PPP6R2: variants seen among roughly 807,000 people sequenced by gnomAD.
The protein encoded by PPP6R2 is serine/threonine-protein phosphatase 6 regulatory subunit 2.
In PPP6R2, 62 loss-of-function variants were observed where a neutral mutation model predicts 100.2. The ratio of observed to expected loss-of-function variants is 0.62; its 90% CI spans 0.50 to 0.76. The LOEUF is 0.76. Ranked by LOEUF, PPP6R2 falls within the 30% of genes least tolerant of loss-of-function variation. The pLI, the probability that PPP6R2 is intolerant of heterozygous loss-of-function variation, is 0.00. For missense variants in PPP6R2, 1,142 were observed against 1,276.3 expected (o/e 0.89, Z 1.60); for synonymous variants, 525 against 514.7 (o/e 1.02, Z -0.27).
intron 2 of PPP6R2, among the ~76,000 whole-genome samples, chr22:50,379,174 A>G (rs1030007360): frequency 2.0e-5 from 3 of 152,158 alleles, no homozygotes; most frequent in Non-Finnish European, 4.4e-5. Flanking sequence ...GAAACAGGCT[A>G]AGACACAGTC....
At chr22:50,425,217 T>G (rs1390792950) in intron 10 of PPP6R2, among the ~76,000 whole-genome samples, 1 of 152,244 alleles carries the variant, frequency 6.6e-6, no homozygotes, top group East Asian at 1.9e-4. Flanking sequence ...AATTTGACTA[T>G]TCTAGGTACA....
At chr22:50,440,688 C>T (rs138127135) in intron 21 of PPP6R2, 134 bp from the exon 22 acceptor site, 22 of 1,025,124 alleles carry the variant, frequency 2.1e-5, no homozygotes, top group Non-Finnish European at 2.7e-5. Flanking sequence ...TCATGCGGCT[C>T]CCACACAGGC....
At chr22:50,419,496 A>G in intron 8 of PPP6R2, 34 bp downstream of exon 8, 1 of 1,475,714 alleles carries the variant, frequency 6.8e-7, no homozygotes, top group Non-Finnish European at 9.5e-7. Context: ...TGTAGAGCTG[A>G]ACTTGACGCC....
At chr22:50,419,949 G>A (rs948954459) in intron 8 of PPP6R2, among the ~76,000 whole-genome samples, 1 of 152,202 alleles carries the variant, frequency 6.6e-6, no homozygotes, top group Admixed American at 6.5e-5. Context: ...GCTGAGCGTC[G>A]TGCTGAGCAC....
chr22:50,374,336 AAAAAAAGAAACCCACC>A (rs1377944583), intron 2 of PPP6R2, among the ~76,000 whole-genome samples: 1 of 152,092 alleles, frequency 6.6e-6, no homozygotes, highest in African/African-American at 2.4e-5. Flanking sequence ...CCCTGTCTCA[AAAAAAAGAAACCCACC>A]AAAATTCAAC....
intron 1 of PPP6R2, among the ~76,000 whole-genome samples, chr22:50,356,817 C>T (rs1202001845): frequency 1.3e-5 from 2 of 151,856 alleles, no homozygotes; most frequent in African/African-American, 4.8e-5. Flanking sequence ...CGCCATAATC[C>T]CAGCTACTTG....
chr22:50,372,695 T>C (rs1275446028), intron 2 of PPP6R2, among the ~76,000 whole-genome samples: 1 of 151,960 alleles, frequency 6.6e-6, no homozygotes, highest in African/African-American at 2.4e-5. Context: ...GTTTAATTCT[T>C]CTTTTTTTTT....
intron 2 of PPP6R2, chr22:50,392,002 T>C (rs2055688184): frequency 6.6e-6 from 1 of 151,582 alleles, no homozygotes; most frequent in Non-Finnish European, 1.5e-5. Context: ...TTCCCTGGAT[T>C]GTGTGTCATC....
intron 8 of PPP6R2, among the ~76,000 whole-genome samples, chr22:50,421,625 C>G (rs1256687167): frequency 6.6e-6 from 1 of 151,926 alleles, no homozygotes. Flanking sequence ...GAAAACACCA[C>G]AGGGGGTAGG....
chr22:50,384,995 G>A lies in PPP6R2; in HGVS notation c.-16-8898G>A, dbSNP rs983319177. On this transcript the variant is annotated intron_variant, in intron 2 of 23. Transcript: ENST00000612753. The stretch of plus-strand genomic sequence containing the variant: ...ACTCCTGGCCTCAAGTGAGCCTCCT[G>A]CCTTTAGCCTTCCATAGTTCTGGGA... 5.9e-5 allele frequency among the ~76,000 whole-genome samples: 9 copies of A among 152,054 alleles called. 1 individual carries two copies. The highest frequency in any genetic ancestry group is 2.2e-4 in the African/African-American group (9 of 41,408).
intron 5 of PPP6R2, 99 bp downstream of exon 5, chr22:50,414,788 C>A: frequency 1.5e-6 from 2 of 1,344,414 alleles, no homozygotes; most frequent in Non-Finnish European, 2.0e-6. Flanking sequence ...GCCCGGCCCC[C>A]ATCTCTCCAC....
At chr22:50,414,286 AG>A (rs2060176426) in intron 4 of PPP6R2, among the ~76,000 whole-genome samples, 1 of 129,926 alleles carries the variant, frequency 7.7e-6, no homozygotes, top group African/African-American at 2.8e-5. Context: ...CACCTGGGAC[AG>A]CTGTGTCCTG....
intron 7 of PPP6R2, 136 bp from the exon 8 acceptor site, chr22:50,419,213 A>G (rs2060969889): frequency 6.2e-6 from 5 of 805,402 alleles, no homozygotes; most frequent in Admixed American, 2.4e-5. Flanking sequence ...GTGTCCTGAG[A>G]ACCCTGGCGC....
intron 1 of PPP6R2, among the ~76,000 whole-genome samples, chr22:50,351,782 C>T (rs1450764212): frequency 3.3e-5 from 5 of 151,700 alleles, no homozygotes; most frequent in East Asian, 1.9e-4. Context: ...TACAGGTAGC[C>T]GCCGCCATAC....
chr22:50,346,524 G>T, intron 1 of PPP6R2, among the ~76,000 whole-genome samples: 3 of 64,512 alleles, frequency 4.7e-5, no homozygotes, highest in Admixed American at 1.9e-4. Flanking sequence ...CCCAGTCAGT[G>T]CCCTCCTTCT....
intron 1 of PPP6R2, among the ~76,000 whole-genome samples, chr22:50,370,795 C>T (rs535059474): frequency 6.6e-6 from 1 of 150,664 alleles, no homozygotes; most frequent in African/African-American, 2.4e-5. Flanking sequence ...CATTGTGCCT[C>T]GCTAGTTTTT....
intron 1 of PPP6R2, among the ~76,000 whole-genome samples, chr22:50,370,041 A>G (rs60708277): frequency 0.24 from 35,571 of 151,074 alleles, 5,959 homozygotes; most frequent in African/African-American, 0.47. Flanking sequence ...GAGCCACCAC[A>G]TCCCACCTTT....
At chr22:50,367,044 G>A (rs140192825) in intron 1 of PPP6R2, among the ~76,000 whole-genome samples, 1 of 151,908 alleles carries the variant, frequency 6.6e-6, no homozygotes, top group Non-Finnish European at 1.5e-5. Context: ...GTCTTGGCCA[G>A]AAACAAAAGC....
intron 14 of PPP6R2, 150 bp downstream of exon 14, chr22:50,436,602 T>C: frequency 1.3e-6 from 1 of 777,618 alleles, no homozygotes; most frequent in Non-Finnish European, 2.1e-6. Context: ...CCCTGCATAG[T>C]GTGTCCTCCG....
Sources: gnomAD v4.1 joint callset for allele counts (sites outside exome capture counted in the v4.1 genomes callset) on GRCh38, gnomAD v4.1.1 for gene constraint, MANE v1.5 for transcripts, NCBI Gene and HGNC (gene_info 2026-07-23, HGNC 2026-07-21) for gene names.